The following PDZRN4 variants were observed in gnomAD, a reference collection of about 807,000 sequenced individuals.
PDZRN4 encodes the protein PDZ domain containing ring finger 4.
A neutral mutation model predicts 99.0 loss-of-function variants in PDZRN4; 70 were observed. That is an observed-to-expected ratio of 0.71 (90% CI 0.58 to 0.86). The LOEUF (loss-of-function observed/expected upper bound fraction) is 0.86, where lower values mean the gene tolerates loss of function less well. Among genes scored for constraint, PDZRN4 ranks in the 40% least tolerant of loss-of-function variants. PDZRN4 has a pLI of 0.00. For missense variants in PDZRN4, 1,474 were observed against 1,331.2 expected (o/e 1.11, Z -1.67); for synonymous variants, 551 against 501.6 (o/e 1.10, Z -1.32).
chr12:41,505,926 G>C (rs537611132), intron 3 of PDZRN4, among the ~76,000 whole-genome samples: 1 of 152,200 alleles, frequency 6.6e-6, no homozygotes, highest in South Asian at 2.1e-4. Context: ...GATGCTGCTA[G>C]TTCACAGACC....
intron 3 of PDZRN4, among the ~76,000 whole-genome samples, chr12:41,438,521 G>A (rs1242303488): frequency 6.6e-6 from 1 of 152,112 alleles, no homozygotes; most frequent in Non-Finnish European, 1.5e-5. Context: ...TGTATTACAT[G>A]AGGAAAAAAT....
chr12:41,239,777 G>A (rs984312280), intron 3 of PDZRN4, among the ~76,000 whole-genome samples: 8 of 152,274 alleles, frequency 5.3e-5, no homozygotes, highest in Middle Eastern at 6.8e-3. Flanking sequence ...CATATATACC[G>A]GAGATGCTAC....
At chr12:41,535,368 C>G (rs1158516369) in intron 5 of PDZRN4, among the ~76,000 whole-genome samples, 1 of 152,216 alleles carries the variant, frequency 6.6e-6, no homozygotes, top group Non-Finnish European at 1.5e-5. Context: ...ATATTACCCT[C>G]TTAGGAGTTT....
At chr12:41,433,055 G>A (rs904363741) in intron 3 of PDZRN4, among the ~76,000 whole-genome samples, 1 of 152,180 alleles carries the variant, frequency 6.6e-6, no homozygotes, top group Non-Finnish European at 1.5e-5. Flanking sequence ...ATTATTGTGG[G>A]ACATTAGCTG....
chr12:41,268,461 G>C (rs1951293505), intron 3 of PDZRN4, among the ~76,000 whole-genome samples: 1 of 152,172 alleles, frequency 6.6e-6, no homozygotes, highest in Non-Finnish European at 1.5e-5. Context: ...GTGTTTTCTT[G>C]ACCAAACCAG....
intron 3 of PDZRN4, among the ~76,000 whole-genome samples, chr12:41,278,998 C>G (rs1242246572): frequency 6.6e-6 from 1 of 152,086 alleles, no homozygotes; most frequent in Non-Finnish European, 1.5e-5. Flanking sequence ...ATTTATAACT[C>G]CAGAAGGATT....
At chr12:41,196,344 G>C (rs1314801848) in intron 3 of PDZRN4, among the ~76,000 whole-genome samples, 1 of 151,996 alleles carries the variant, frequency 6.6e-6, no homozygotes, top group Non-Finnish European at 1.5e-5. Context: ...CAATGATATA[G>C]ATTTTTCAAT....
intron 3 of PDZRN4, among the ~76,000 whole-genome samples, chr12:41,483,322 A>C (rs1325156240): frequency 6.6e-6 from 1 of 152,166 alleles, no homozygotes; most frequent in East Asian, 1.9e-4. Context: ...TTACTAAAAG[A>C]GAAGGATATC....
At chr12:41,423,401 T>G (rs1207658623) in intron 3 of PDZRN4, among the ~76,000 whole-genome samples, 1 of 152,080 alleles carries the variant, frequency 6.6e-6, no homozygotes, top group African/African-American at 2.4e-5. Context: ...AGGTGTTTGG[T>G]TTTCGGTTCT....
chr12:41,321,437 C>T (rs1026138082), intron 3 of PDZRN4, among the ~76,000 whole-genome samples: 3 of 152,284 alleles, frequency 2.0e-5, no homozygotes, highest in African/African-American at 7.2e-5. Flanking sequence ...CACAGCCTGA[C>T]AGAGAAATTT....
At chr12:41,530,407 C>A (rs1002775295) in intron 5 of PDZRN4, among the ~76,000 whole-genome samples, 1 of 151,728 alleles carries the variant, frequency 6.6e-6, no homozygotes, top group Non-Finnish European at 1.5e-5. Flanking sequence ...TATTTTTTTC[C>A]GAAAATTCTG....
intron 3 of PDZRN4, among the ~76,000 whole-genome samples, chr12:41,415,045 G>A (rs1952432837): frequency 6.6e-6 from 1 of 152,104 alleles, no homozygotes; most frequent in Admixed American, 6.6e-5. Context: ...ATGGATTCAG[G>A]TATTTGACCT....
intron 3 of PDZRN4, among the ~76,000 whole-genome samples, chr12:41,259,815 A>T (rs1016239422): frequency 6.6e-6 from 1 of 152,136 alleles, no homozygotes; most frequent in African/African-American, 2.4e-5. Context: ...TCTTTTAGAT[A>T]TCTTCATTGG....
In PDZRN4 at chr12:41,555,630, G is replaced by A. The variant is rs78840059; in HGVS notation, c.1303-68G>A. The A allele has an allele frequency of 2.7e-3, 3,110 of 1,167,160 alleles. 58 individuals are homozygous for A. In the African/African-American group the frequency reaches 0.038, roughly 14 times the overall value. 72.3% of individuals were successfully genotyped at this position (1,167,160 alleles called of 1,614,324 possible). A position where few individuals can be genotyped will look rare whatever the true frequency, so the allele number is the denominator to read the frequency against. ...CAGCTTTTTCAAAATATATTTTAAA[G>A]CCATATTTTTAAGTTCTTGAGGGAA... On this transcript the variant is annotated intron_variant, in intron 6 of 9. Coordinates refer to ENST00000402685, the MANE Select transcript of PDZRN4 (RefSeq NM_001164595.2).
intron 3 of PDZRN4, among the ~76,000 whole-genome samples, chr12:41,474,253 C>T (rs1157168092): frequency 1.3e-5 from 2 of 152,118 alleles, no homozygotes; most frequent in Non-Finnish European, 2.9e-5. Flanking sequence ...CAATTTTACC[C>T]AACTGAAGAA....
intron 3 of PDZRN4, among the ~76,000 whole-genome samples, chr12:41,381,541 T>C (rs1952126582): frequency 6.6e-6 from 1 of 152,174 alleles, no homozygotes; most frequent in Non-Finnish European, 1.5e-5. Flanking sequence ...AATTTCAGTT[T>C]AGTCATTGTG....
intron 3 of PDZRN4, among the ~76,000 whole-genome samples, chr12:41,407,091 A>G (rs10735995): frequency 0.39 from 59,935 of 151,858 alleles, 12,033 homozygotes; most frequent in South Asian, 0.45. Flanking sequence ...GTCCCCATGG[A>G]CCTTATGCTC....
intron 3 of PDZRN4, among the ~76,000 whole-genome samples, chr12:41,358,438 T>A (rs1251908132): frequency 1.3e-5 from 2 of 152,156 alleles, no homozygotes; most frequent in African/African-American, 2.4e-5. Flanking sequence ...AAATTTTCAA[T>A]GTGTCAAGAA....
intron 5 of PDZRN4, among the ~76,000 whole-genome samples, chr12:41,531,973 A>G (rs929314018): frequency 3.3e-5 from 5 of 152,124 alleles, no homozygotes; most frequent in Non-Finnish European, 5.9e-5. Flanking sequence ...TTTATGGTTC[A>G]TGATTCTTCT....
Sources: allele counts gnomAD v4.1 joint callset (sites outside exome capture counted in the v4.1 genomes callset), GRCh38; gene constraint gnomAD v4.1.1; transcripts MANE v1.5; gene names NCBI Gene and HGNC (gene_info 2026-07-23, HGNC 2026-07-21).